Variants in CREBBP observed in about 807,000 individuals in gnomAD.
CREBBP encodes CREB binding lysine acetyltransferase, also known as CREB-binding protein.
Under a neutral mutation model 265.0 loss-of-function variants are expected in CREBBP, and 19 were observed. The ratio of observed to expected loss-of-function variants is 0.07; its 90% confidence interval spans 0.05 to 0.11. The LOEUF (loss-of-function observed/expected upper bound fraction) is 0.11. CREBBP is among the 10% of genes least tolerant of loss of function. The pLI, the probability that CREBBP is intolerant of heterozygous loss-of-function variation, is 1.00. For missense variants in CREBBP, 2,525 were observed against 3,219.0 expected, an observed-to-expected ratio of 0.78 and a Z score of 5.22; for synonymous variants, 1,457 against 1,223.7, an observed-to-expected ratio of 1.19 and a Z score of -3.98.
At chr16:3,792,199 T>G in intron 4 of CREBBP, 105 bp from the exon 5 acceptor site, 1 of 999,034 alleles carries the variant, frequency 1.0e-6, no homozygotes. Flanking sequence ...TGGTAACAAG[T>G]GTAACCATAA....
chr16:3,792,991 A>T (rs527567939), intron 4 of CREBBP, among the ~76,000 whole-genome samples: 2 of 152,368 alleles, frequency 1.3e-5, no homozygotes, highest in East Asian at 3.9e-4. Context: ...GTTGGGATGC[A>T]GGAAGGGCGT....
chr16:3,750,622 A>G (rs1173829498), intron 20 of CREBBP, among the ~76,000 whole-genome samples: 2 of 152,226 alleles, frequency 1.3e-5, no homozygotes, highest in Admixed American at 6.5e-5. Context: ...CTCGAAGGTA[A>G]CTCTGCCGGA....
chr16:3,787,261 T>G (rs2053409061), intron 5 of CREBBP, among the ~76,000 whole-genome samples: 1 of 152,090 alleles, frequency 6.6e-6, no homozygotes, highest in South Asian at 2.1e-4. Flanking sequence ...GGCTGGAGAC[T>G]CAGCCTCCTA....
At chr16:3,827,190 T>C (rs1348754390) in intron 2 of CREBBP, among the ~76,000 whole-genome samples, 1 of 145,922 alleles carries the variant, frequency 6.9e-6, no homozygotes, top group African/African-American at 2.6e-5. Context: ...ACTTAAAAAA[T>C]GAAAAGAAAA....
In CREBBP at chr16:3,779,847, G is replaced by T. The variant is rs114890458; in HGVS notation, c.1823+885C>A. On this transcript the variant is annotated intron_variant, in intron 8 of 30. Coordinates refer to ENST00000262367, the MANE Select transcript of CREBBP (RefSeq NM_004380.3). ...CGTTAGGCTTGGTGTGGTGGCTCAT[G>T]CCACCCAGCACTTTGGGAGGCCAAG... 1.7e-3 allele frequency among the ~76,000 whole-genome samples: 259 copies of T among 152,148 alleles called. 1 individual carries two copies. The highest frequency in any genetic ancestry group is 6.0e-3 in the African/African-American group (249 of 41,508).
rs529776128 is a variant in CREBBP at position 3,852,521 on chromosome 16, A to G, written c.86-1512T>C. Among the ~76,000 whole-genome samples the G allele has an allele frequency of 5.9e-5, 9 of 152,316 alleles. No individual in the cohort carries two copies. In the South Asian group the frequency reaches 1.2e-3, roughly 21 times the overall value. On this transcript the variant is annotated intron_variant, in intron 1 of 30. Coordinates refer to ENST00000262367, the MANE Select transcript of CREBBP (RefSeq NM_004380.3). The stretch of plus-strand genomic sequence containing the variant: ...ACAAGAAGTAAACTAGCTTTAACGC[A>G]AAATGAAATCAGTGATTTCTTAAAA...
rs2151300240 is a variant in CREBBP at position 3,728,092 on chromosome 16, G to C, written c.6955C>G (p.His2319Asp). ...GCCTGTGGCTGTCCTGAGAGCATGT[G>C]TTGCTGGGGGCTCATGGGGTTCGGC... ...GQPNPMSPQQ[H>D]MLSGQPQASH... The change falls in exon 31 of 31, where the codon CAC becomes GAC. Residue 2319 changes from histidine (H) to aspartate (D), a missense_variant. Physicochemically the swap from His to Asp is moderately conservative, Grantham distance 81. This residue lies in a region of CREBBP where 473 missense variants were observed against 459.3 expected (regional missense o/e 1.03). Coordinates refer to ENST00000262367, the MANE Select transcript of CREBBP (RefSeq NM_004380.3). This position sits in a 1 kb window ranked among gnomAD's most constrained non-coding sequence, Gnocchi z 8.7. 1.9e-6 allele frequency: 3 copies of C among 1,614,192 alleles called. No homozygotes were observed. Among genetic ancestry groups the C allele is most frequent in the Non-Finnish European group, 2.5e-6 (3 of 1,180,026 alleles).
intron 23 of CREBBP, 156 bp from the exon 24 acceptor site, chr16:3,740,705 C>G (rs1285004868): frequency 1.1e-6 from 1 of 914,142 alleles, no homozygotes; most frequent in Non-Finnish European, 1.7e-6. Flanking sequence ...TCCTGTGACA[C>G]GAGTGTTATA....
chr16:3,855,430 A>C (rs1274691240), intron 1 of CREBBP, among the ~76,000 whole-genome samples: 1 of 152,098 alleles, frequency 6.6e-6, no homozygotes. Context: ...GCACCCGGCT[A>C]ACGTTTGTAT....
chr16:3,746,685 AC>A (rs1270574024), intron 21 of CREBBP, among the ~76,000 whole-genome samples: 4 of 152,280 alleles, frequency 2.6e-5, no homozygotes, highest in African/African-American at 7.2e-5. Flanking sequence ...AGTGGCTCAC[AC>A]CTGTAATCCT....
chr16:3,729,054 A>C lies in CREBBP; in HGVS notation c.5993T>G (p.Val1998Gly), dbSNP rs1173956128. The change falls in exon 31 of 31, where the codon GTG (valine) becomes GGG (glycine). Residue 1998 changes from valine (V) to glycine (G), a missense_variant. Coordinates refer to ENST00000262367, the MANE Select transcript of CREBBP (RefSeq NM_004380.3). The part of the protein sequence containing the change: ...MGTPGSQMAP[V>G]SLNVPRPNQV... ...GTTGGGTCGGGGCACATTCAGGCTC[A>C]CGGGGGCCATCTGGCTCCCCGGGGT... The C allele has an allele frequency of 6.3e-7, 1 of 1,585,670 alleles. No homozygotes were observed. Among genetic ancestry groups the C allele is most frequent in the South Asian group, 1.1e-5 (1 of 88,818 alleles).
intron 21 of CREBBP, among the ~76,000 whole-genome samples, chr16:3,749,008 G>A (rs898700586): frequency 2.6e-5 from 4 of 152,250 alleles, no homozygotes; most frequent in East Asian, 1.9e-4. Flanking sequence ...TTAGCCAGGC[G>A]TGGTGGTGGG....
intron 5 of CREBBP, among the ~76,000 whole-genome samples, chr16:3,785,371 A>G (rs1322444689): frequency 6.6e-6 from 1 of 152,236 alleles, no homozygotes; most frequent in African/African-American, 2.4e-5. Flanking sequence ...CAATCTCTGC[A>G]TTCCCTGAGC....
intron 13 of CREBBP, among the ~76,000 whole-genome samples, chr16:3,771,212 G>A (rs963109552): frequency 4.9e-4 from 75 of 152,050 alleles, no homozygotes; most frequent in Non-Finnish European, 1.2e-4. Flanking sequence ...GGGATTACAG[G>A]TGCCCGTCAC....
chr16:3,848,523 TTC>T (rs1475236846), intron 2 of CREBBP, among the ~76,000 whole-genome samples: 1 of 152,200 alleles, frequency 6.6e-6, no homozygotes, highest in Non-Finnish European at 1.5e-5. Flanking sequence ...TGTTTCAATA[TTC>T]TGTTTTACTA....
chr16:3,778,331 T>G (rs1286120866), intron 9 of CREBBP, 149 bp from the exon 10 acceptor site: 2 of 679,242 alleles, frequency 2.9e-6, no homozygotes, highest in Non-Finnish European at 5.1e-6. Flanking sequence ...AAGCCCACAT[T>G]CTTGCTGAAT....
intron 2 of CREBBP, among the ~76,000 whole-genome samples, chr16:3,830,522 T>C (rs2054322380): frequency 6.6e-6 from 1 of 152,118 alleles, no homozygotes; most frequent in Admixed American, 6.5e-5. Context: ...TATTTCATAA[T>C]GATAAAAGGC....
At chr16:3,844,364 A>G (rs1210816298) in intron 2 of CREBBP, among the ~76,000 whole-genome samples, 1 of 152,168 alleles carries the variant, frequency 6.6e-6, no homozygotes, top group African/African-American at 2.4e-5. Context: ...GATATTATAA[A>G]ACCTACACAG....
intron 2 of CREBBP, among the ~76,000 whole-genome samples, chr16:3,848,859 G>C (rs2054723232): frequency 6.6e-6 from 1 of 152,150 alleles, no homozygotes; most frequent in African/African-American, 2.4e-5. Context: ...TAAAACTTAA[G>C]TTCACGTTCC....
Sources: gnomAD v4.1 joint callset for allele counts (sites outside exome capture counted in the v4.1 genomes callset) on GRCh38, gnomAD v4.1.1 for gene constraint, gnomAD v4.1.1 regional missense constraint, Gnocchi (gnomAD v3.1) non-coding constraint, MANE v1.5 for transcripts, NCBI Gene and HGNC (gene_info 2026-07-23, HGNC 2026-07-21) for gene names.